Variants in VPS13A observed in about 807,000 individuals in gnomAD.
VPS13A encodes the protein vacuolar protein sorting 13 homolog A, also known as intermembrane lipid transfer protein VPS13A.
A neutral mutation model predicts 390.9 loss-of-function variants in VPS13A; 264 were observed. The ratio of observed to expected loss-of-function variants is 0.68; its 90% CI spans 0.61 to 0.75. VPS13A has a LOEUF of 0.75. Ranked by LOEUF, VPS13A falls within the 30% of genes least tolerant of loss-of-function variation. VPS13A has a pLI of 0.00. For synonymous variants in VPS13A, 1,231 were observed against 1,227.1 expected, an observed-to-expected ratio of 1.00 and a Z score of -0.07; for missense variants, 3,409 against 3,733.9, an observed-to-expected ratio of 0.91 and a Z score of 2.27.
intron 45 of VPS13A, among the ~76,000 whole-genome samples, chr9:77,326,197 A>G (rs1830010301): frequency 6.6e-6 from 1 of 151,482 alleles, no homozygotes; most frequent in South Asian, 2.1e-4. Context: ...TTTCTTTATC[A>G]TTGGTTTTGA....
intron 17 of VPS13A, among the ~76,000 whole-genome samples, chr9:77,230,187 C>T (rs988213834): frequency 6.6e-6 from 1 of 151,906 alleles, no homozygotes; most frequent in African/African-American, 2.4e-5. Context: ...ATTAGATAAA[C>T]AATTTTCAGT....
intron 68 of VPS13A, chr9:77,382,728 C>A (rs1384986220): frequency 2.0e-6 from 2 of 987,150 alleles, no homozygotes; most frequent in African/African-American, 1.7e-5. Context: ...TGACCCTCTT[C>A]CTGCTTTATT....
chr9:77,369,678 T>G (rs1160961253), intron 63 of VPS13A, among the ~76,000 whole-genome samples: 1 of 152,116 alleles, frequency 6.6e-6, no homozygotes, highest in African/African-American at 2.4e-5. Flanking sequence ...AGAAAGAAGA[T>G]CACCACATCT....
chr9:77,244,859 T>G (rs969091399), intron 19 of VPS13A, among the ~76,000 whole-genome samples: 4 of 151,916 alleles, frequency 2.6e-5, no homozygotes, highest in Admixed American at 6.6e-5. Context: ...TCAGAGAAGA[T>G]CTCTGAAAAT....
intron 68 of VPS13A, among the ~76,000 whole-genome samples, chr9:77,393,315 C>T (rs981230505): frequency 7.9e-5 from 12 of 152,192 alleles, no homozygotes; most frequent in African/African-American, 2.4e-4. Flanking sequence ...TTACTTCCTC[C>T]GCTGAAGTCT....
chr9:77,221,573 T>C (rs563242861), intron 13 of VPS13A, among the ~76,000 whole-genome samples: 2 of 152,300 alleles, frequency 1.3e-5, no homozygotes, highest in South Asian at 4.1e-4. Context: ...TTATTCTCAA[T>C]CGGAAGGAAT....
In VPS13A at chr9:77,252,265, G is replaced by A. The variant is rs117320408; in HGVS notation, c.2201G>A (p.Ser734Asn). Reference sequence around the variant, plus strand: ...AATTGGAGAGAAGCACGAAAACTCAGTGTATCTACCCAGCATATTTTGGTA... The same window carrying A: ...AATTGGAGAGAAGCACGAAAACTCAATGTATCTACCCAGCATATTTTGGTA... ...GDNWREARKL[S>N]VSTQHILVPM... Residue 734 changes from serine to asparagine, a missense_variant, in exon 22 of 72, where the codon AGT becomes AAT. By Grantham distance (46) the Ser-to-Asn change is conservative. Around this residue, in one of 5 missense-constraint regions of VPS13A, gnomAD observed 2,717 missense variants for 2,917.4 expected, o/e 0.93. Transcript: ENST00000360280. 1.4e-3 allele frequency: 2,317 copies of A among 1,613,974 alleles called. 5 individuals carry two copies. The highest frequency in any genetic ancestry group is 1.9e-3 in the Non-Finnish European group (2,215 of 1,179,876).
chr9:77,238,321 A>C lies in VPS13A; in HGVS notation c.1835A>C (p.His612Pro). The C allele has an allele frequency of 6.2e-7, 1 of 1,614,050 alleles. No individual in the cohort carries two copies. The highest frequency in any genetic ancestry group is 8.5e-7 in the Non-Finnish European group (1 of 1,179,970). The change falls in exon 19 of 72, where the codon CAT becomes CCT. Residue 612 changes from histidine (H) to proline (P), a missense_variant. His to Pro is a moderately conservative substitution (Grantham distance 77). Transcript: ENST00000360280. ...VEFFRPPKEV[H>P]LAQLTAATLT... Reference sequence around the variant, plus strand: ...TTCTTCAGACCTCCAAAAGAGGTACATCTAGCACAGCTCACTGCAGCAACT... The same window carrying C: ...TTCTTCAGACCTCCAAAAGAGGTACCTCTAGCACAGCTCACTGCAGCAACT...
intron 26 of VPS13A, among the ~76,000 whole-genome samples, chr9:77,278,681 T>A (rs1173697300): frequency 6.6e-6 from 1 of 152,168 alleles, no homozygotes; most frequent in East Asian, 1.9e-4. Flanking sequence ...CTCTGTGCAA[T>A]TTGTGGCATT....
At chr9:77,307,866 C>T in intron 34 of VPS13A, 79 bp from the exon 35 acceptor site, 6 of 1,177,756 alleles carry the variant, frequency 5.1e-6, no homozygotes, top group East Asian at 5.1e-5. Context: ...TCATTTTTCT[C>T]CTCTGAGAAT....
rs140578761 is a variant in VPS13A, at chr9:77,370,270, G to A, written c.8681G>A (p.Gly2894Asp). 1 of 1,614,142 alleles carries A rather than the reference G, an allele frequency of 6.2e-7. No homozygotes were observed. The highest frequency in any genetic ancestry group is 8.5e-7 in the Non-Finnish European group (1 of 1,180,014). Residue 2894 changes from glycine (G) to aspartate (D), a missense_variant, in exon 64 of 72, where the codon GGT (glycine) becomes GAT (aspartate). Transcript: ENST00000360280. ...FYEPYQGAIQ[G>D]PEEFVEGMAL... is the part of the protein sequence containing the mutation. ...TTGGCCCTTTAGGGAGCCATCCAGGGTCCTGAAGAGTTTGTGGAAGGAATG... is the reference window on the plus strand; with the variant it reads ...TTGGCCCTTTAGGGAGCCATCCAGGATCCTGAAGAGTTTGTGGAAGGAATG...
chr9:77,372,512 A>T (rs1164381222), intron 67 of VPS13A, among the ~76,000 whole-genome samples: 1 of 152,034 alleles, frequency 6.6e-6, no homozygotes, highest in African/African-American at 2.4e-5. Context: ...TCTATGACAA[A>T]CCCACAGCCA....
chr9:77,271,749 TAACAA>T (rs1427886691), intron 23 of VPS13A, among the ~76,000 whole-genome samples: 1 of 152,124 alleles, frequency 6.6e-6, no homozygotes, highest in African/African-American at 2.4e-5. Context: ...TTTAAGAACT[TAACAA>T]AACTTGTATT....
chr9:77,334,211 G>C (rs1373785886), intron 46 of VPS13A, among the ~76,000 whole-genome samples: 1 of 152,144 alleles, frequency 6.6e-6, no homozygotes, highest in Admixed American at 6.5e-5. Context: ...AATGTAGAGT[G>C]CATGTTGGAA....
intron 15 of VPS13A, among the ~76,000 whole-genome samples, chr9:77,227,025 T>G (rs1293358785): frequency 6.6e-6 from 1 of 152,144 alleles, no homozygotes; most frequent in African/African-American, 2.4e-5. Flanking sequence ...GGCAAGTTAT[T>G]TAAGTGCACT....
At chr9:77,405,789 A>C in intron 69 of VPS13A, 75 bp from the exon 70 acceptor site, 1 of 1,587,070 alleles carries the variant, frequency 6.3e-7, no homozygotes, top group East Asian at 2.2e-5. Context: ...CTTGCGATTC[A>C]TTCGTATCCT....
intron 1 of VPS13A, among the ~76,000 whole-genome samples, chr9:77,183,029 C>A (rs1486995032): frequency 3.3e-5 from 5 of 152,126 alleles, no homozygotes; most frequent in Non-Finnish European, 7.4e-5. Context: ...TTCTTACAGT[C>A]TGGTGTTAAT....
chr9:77,243,112 C>G (rs1824603498), intron 19 of VPS13A, among the ~76,000 whole-genome samples: 1 of 151,634 alleles, frequency 6.6e-6, no homozygotes, highest in Non-Finnish European at 1.5e-5. Flanking sequence ...TCTTTCCTTC[C>G]CTCATATTCC....
Position 77,337,273 on chromosome 9 carries a change from G to A in VPS13A, c.6114G>A (p.Lys2038=). The A allele has an allele frequency of 6.2e-7, 1 of 1,611,960 alleles. No homozygotes were observed. Among genetic ancestry groups the A allele is most frequent in the South Asian group, 1.1e-5 (1 of 90,938 alleles). The change falls in exon 47 of 72, where the codon AAG becomes AAA. Residue 2038 remains lysine (K), a synonymous_variant. Transcript: ENST00000360280. ...LGSYRSFIFL[K]PEDENYQMCE... is the part of the protein sequence containing the mutation. ...CATGCAGATCATTCATTTTTCTGAA[G>A]CCAGAAGATGAGAACTATCAAATGT...
Sources: gnomAD v4.1 joint callset for allele counts (sites outside exome capture counted in the v4.1 genomes callset) on GRCh38, gnomAD v4.1.1 for gene constraint, gnomAD v4.1.1 regional missense constraint, MANE v1.5 for transcripts, NCBI Gene and HGNC (gene_info 2026-07-23, HGNC 2026-07-21) for gene names.